The following FAM110B variants were observed in gnomAD, a reference collection of about 807,000 sequenced individuals.
FAM110B encodes the protein family with sequence similarity 110 member B.
FAM110B carries 6 observed loss-of-function variants against 20.4 expected under a neutral mutation model. The ratio of observed to expected loss-of-function variants is 0.29; its 90% CI spans 0.16 to 0.58. FAM110B has a LOEUF of 0.58. Ranked by LOEUF, FAM110B falls within the 20% of genes least tolerant of loss-of-function variation. The pLI is 0.90. For missense variants in FAM110B, 434 were observed against 498.2 expected (o/e 0.87, Z 1.23); for synonymous variants, 226 against 214.1 (o/e 1.06, Z -0.49).
chr8:58,133,492 A>G (rs543488143), intron 3 of FAM110B, among the ~76,000 whole-genome samples: 4 of 152,310 alleles, frequency 2.6e-5, no homozygotes, highest in Admixed American at 2.0e-4. Context: ...CCATTCGGGA[A>G]TGAGGACTGT....
intron 1 of FAM110B, among the ~76,000 whole-genome samples, chr8:58,003,832 C>T (rs1804350114): frequency 6.6e-6 from 1 of 152,184 alleles, no homozygotes; most frequent in African/African-American, 2.4e-5. Context: ...AGCCCTGGGA[C>T]ATTCAGAATG....
chr8:58,007,113 G>A (rs1316455815), intron 1 of FAM110B, among the ~76,000 whole-genome samples: 1 of 151,690 alleles, frequency 6.6e-6, no homozygotes, highest in African/African-American at 2.4e-5. Flanking sequence ...GTAACTGTAA[G>A]CCCCATGGGC....
chr8:58,034,915 TGG>T (rs1805045521), intron 2 of FAM110B, among the ~76,000 whole-genome samples: 1 of 152,132 alleles, frequency 6.6e-6, no homozygotes, highest in Non-Finnish European at 1.5e-5. Flanking sequence ...ACCCAGAGTG[TGG>T]GGGAATATCT....
At chr8:58,070,546 C>T (rs961035239) in intron 2 of FAM110B, among the ~76,000 whole-genome samples, 3 of 152,208 alleles carry the variant, frequency 2.0e-5, no homozygotes, top group African/African-American at 4.8e-5. Context: ...GCCTGGTAAA[C>T]AGCTACCCTG....
At chr8:58,125,062 T>C (rs1490456060) in intron 3 of FAM110B, among the ~76,000 whole-genome samples, 1 of 152,214 alleles carries the variant, frequency 6.6e-6, no homozygotes, top group Non-Finnish European at 1.5e-5. Flanking sequence ...GAAAATATTA[T>C]TGAGGCCAGG....
chr8:58,101,018 A>G (rs981602256), intron 3 of FAM110B: 2 of 149,092 alleles, frequency 1.3e-5, no homozygotes, highest in African/African-American at 5.0e-5. Flanking sequence ...CTAAAAATAG[A>G]AAAAAAAAAT....
rs542908696 is a variant in FAM110B, at chr8:58,014,142, G to A, written c.-511-17464G>A. On this transcript the variant is annotated intron_variant, in intron 1 of 3. Transcript: ENST00000519262. ...CAGTTCTTCCTCGAAGAGCCCTTCC[G>A]GATTACCTGCTTCAGTGATCCAGAC... 2.2e-4 allele frequency among the ~76,000 whole-genome samples: 34 copies of A among 152,232 alleles called. 1 individual carries two copies. The highest frequency in any genetic ancestry group is 2.1e-3 in the Admixed American group (32 of 15,296).
intron 3 of FAM110B, among the ~76,000 whole-genome samples, chr8:58,124,248 G>A (rs75394617): frequency 1.5e-3 from 229 of 152,310 alleles, no homozygotes; most frequent in African/African-American, 5.2e-3. Context: ...TCAGCCCACA[G>A]TAAGATGATT....
At chr8:58,099,804 A>G (rs73682145) in intron 3 of FAM110B, among the ~76,000 whole-genome samples, 3,032 of 152,148 alleles carry the variant, frequency 0.02, 59 homozygotes, top group South Asian at 0.1. Context: ...CTTAATGTGC[A>G]TTTTCTACTA....
intron 1 of FAM110B, among the ~76,000 whole-genome samples, chr8:58,006,923 A>ATT (rs1554568496): frequency 1.6e-5 from 2 of 126,516 alleles, no homozygotes; most frequent in African/African-American, 3.0e-5. Context: ...ATATATATAT[A>ATT]TTTTTCCAAA....
chr8:58,005,481 A>G (rs931298101), intron 1 of FAM110B, among the ~76,000 whole-genome samples: 1 of 152,252 alleles, frequency 6.6e-6, no homozygotes, highest in Non-Finnish European at 1.5e-5. Context: ...GGCACTGATG[A>G]ACTTGTTTGA....
chr8:58,068,721 G>A (rs11781102), intron 2 of FAM110B, among the ~76,000 whole-genome samples: 7,525 of 152,186 alleles, frequency 0.049, 215 homozygotes, highest in South Asian at 0.11. Flanking sequence ...AACATTTACA[G>A]ATTTGATTAG....
In FAM110B at chr8:58,146,551, C is replaced by T. The variant is rs1307793630; in HGVS notation, c.321C>T (p.Thr107=). 3 of 1,613,886 alleles carry T rather than the reference C, an allele frequency of 1.9e-6. No homozygotes were observed. Among genetic ancestry groups the T allele is most frequent in the Non-Finnish European group, 1.7e-6 (2 of 1,179,946 alleles). The change falls in exon 4 of 4, where the codon ACC becomes ACT. Residue 107 remains threonine, a synonymous_variant. Coordinates refer to ENST00000519262, the MANE Select transcript of FAM110B (RefSeq NM_001377989.1). ...AAGTGTTCGGCAACCACGCCAAGAC[C>T]GAGAGCGGCGTGCAGAGGGAGAACC... The part of the protein sequence containing the change: ...TLKVFGNHAK[T]ESGVQRENLK...
intron 1 of FAM110B, among the ~76,000 whole-genome samples, chr8:58,010,187 T>G (rs556237195): frequency 6.6e-6 from 1 of 151,890 alleles, no homozygotes; most frequent in African/African-American, 2.4e-5. Context: ...CTGCTAGTTT[T>G]TTTTTTTTTT....
intron 2 of FAM110B, among the ~76,000 whole-genome samples, chr8:58,075,272 T>TGG (rs59807974): frequency 0.047 from 6,811 of 146,164 alleles, 562 homozygotes; most frequent in African/African-American, 0.17. Flanking sequence ...CTTTTTTTTT[T>TGG]TTTTGTGTGT....
chr8:58,033,964 C>T (rs562917602), intron 2 of FAM110B, among the ~76,000 whole-genome samples: 8 of 152,198 alleles, frequency 5.3e-5, no homozygotes, highest in East Asian at 1.9e-4. Context: ...CCTCCCCACG[C>T]GCCCTTGGAA....
intron 2 of FAM110B, among the ~76,000 whole-genome samples, chr8:58,054,362 G>C (rs780893748): frequency 7.2e-5 from 11 of 152,054 alleles, no homozygotes; most frequent in African/African-American, 1.2e-4. Context: ...TCCTTCCAGA[G>C]GGCAAACAGA....
intron 1 of FAM110B, among the ~76,000 whole-genome samples, chr8:58,000,570 G>C (rs1194454405): frequency 2.0e-5 from 3 of 152,106 alleles, no homozygotes; most frequent in Non-Finnish European, 4.4e-5. Flanking sequence ...TCCTTTTGTA[G>C]ACACTCCACA....
intron 1 of FAM110B, among the ~76,000 whole-genome samples, chr8:58,012,269 G>A (rs950019338): frequency 6.8e-6 from 1 of 147,582 alleles, no homozygotes; most frequent in South Asian, 2.2e-4. Flanking sequence ...ATTTTTTTTT[G>A]TTGTTGAAAT....
Sources: gnomAD v4.1 joint callset for allele counts (sites outside exome capture counted in the v4.1 genomes callset) on GRCh38, gnomAD v4.1.1 for gene constraint, MANE v1.5 for transcripts, NCBI Gene and HGNC (gene_info 2026-07-23, HGNC 2026-07-21) for gene names.